ATRNL1: variants seen among roughly 807,000 people sequenced by gnomAD.
The protein encoded by ATRNL1 is attractin like 1.
A neutral mutation model predicts 182.7 loss-of-function variants in ATRNL1; 95 were observed. The ratio of observed to expected loss-of-function variants is 0.52; its 90% CI spans 0.44 to 0.62. ATRNL1 has a LOEUF of 0.62. Ranked by LOEUF, ATRNL1 falls within the 20% of genes least tolerant of loss-of-function variation. ATRNL1 has a pLI of 0.00. For missense variants in ATRNL1, 1,471 were observed against 1,679.5 expected, an observed-to-expected ratio of 0.88 and a Z score of 2.17; for synonymous variants, 576 against 568.3, an observed-to-expected ratio of 1.01 and a Z score of -0.19.
At chr10:115,623,107 A>G (rs954197278) in intron 26 of ATRNL1, among the ~76,000 whole-genome samples, 4 of 152,212 alleles carry the variant, frequency 2.6e-5, no homozygotes, top group African/African-American at 9.6e-5. Flanking sequence ...TAGGTCAAGC[A>G]TATAAAAATC....
intron 21 of ATRNL1, among the ~76,000 whole-genome samples, chr10:115,445,506 CGTGTGTGTGT>C (rs57237450): frequency 0.027 from 3,215 of 119,230 alleles, 131 homozygotes; most frequent in African/African-American, 0.091. Context: ...CTCATTTGTC[CGTGTGTGTGT>C]GTGTGTGTGT....
intron 27 of ATRNL1, among the ~76,000 whole-genome samples, chr10:115,772,333 G>A (rs148456577): frequency 3.9e-5 from 6 of 152,138 alleles, no homozygotes; most frequent in East Asian, 1.9e-4. Flanking sequence ...CAAAATTCTC[G>A]ATTACCAAGT....
At chr10:115,096,709 G>T (rs2085019920) in intron 1 of ATRNL1, 1 of 1,288,104 alleles carries the variant, frequency 7.8e-7, no homozygotes, top group South Asian at 1.2e-5. Flanking sequence ...TGATAGTTGG[G>T]GGAAGAAATG....
At chr10:115,832,641 C>T (rs1950584374) in intron 27 of ATRNL1, among the ~76,000 whole-genome samples, 1 of 152,138 alleles carries the variant, frequency 6.6e-6, no homozygotes, top group African/African-American at 2.4e-5. Flanking sequence ...GTCCAAGTCT[C>T]GACTCTTCCA....
intron 25 of ATRNL1, among the ~76,000 whole-genome samples, chr10:115,532,497 G>A (rs1851657165): frequency 6.6e-6 from 1 of 152,132 alleles, no homozygotes; most frequent in Admixed American, 6.6e-5. Flanking sequence ...CTTTGCTGAA[G>A]TTGCTTATCA....
chr10:115,170,602 T>C (rs1847249074), intron 7 of ATRNL1, among the ~76,000 whole-genome samples: 1 of 150,608 alleles, frequency 6.6e-6, no homozygotes, highest in Admixed American at 6.6e-5. Context: ...CTATGAGTAA[T>C]ATTAATCAGC....
At chr10:115,457,019 T>G (rs1475906699) in intron 21 of ATRNL1, among the ~76,000 whole-genome samples, 2 of 152,102 alleles carry the variant, frequency 1.3e-5, no homozygotes, top group Non-Finnish European at 2.9e-5. Context: ...GTTCCTACCA[T>G]CTGCAGCTTG....
chr10:115,519,372 G>A, intron 25 of ATRNL1, 48 bp downstream of exon 25: 5 of 1,440,014 alleles, frequency 3.5e-6, no homozygotes, highest in Non-Finnish European at 4.9e-6. Context: ...CCTGTATTCT[G>A]ATATATGTCC....
At chr10:115,542,117 G>T (rs547667656) in intron 25 of ATRNL1, among the ~76,000 whole-genome samples, 131 of 152,130 alleles carry the variant, frequency 8.6e-4, no homozygotes, top group Admixed American at 8.5e-3. Flanking sequence ...ACTTGTAATA[G>T]GACTTACCCA....
At chr10:115,711,808 T>A (rs1947070606) in intron 26 of ATRNL1, among the ~76,000 whole-genome samples, 1 of 152,292 alleles carries the variant, frequency 6.6e-6, no homozygotes, top group Admixed American at 6.5e-5. Context: ...TATGGCCATA[T>A]TAAATAACTC....
At chr10:115,261,089 A>C (rs1592341851) in intron 10 of ATRNL1, among the ~76,000 whole-genome samples, 1 of 152,004 alleles carries the variant, frequency 6.6e-6, no homozygotes, top group East Asian at 1.9e-4. Flanking sequence ...GAACCTAAAA[A>C]CTTATATAGA....
chr10:115,553,939 A>G (rs2133819442), intron 26 of ATRNL1, among the ~76,000 whole-genome samples: 1 of 151,608 alleles, frequency 6.6e-6, no homozygotes, highest in Non-Finnish European at 1.5e-5. Flanking sequence ...CTCCTTAGAC[A>G]CTAAATATAT....
At chr10:115,890,369 G>C (rs1237574077) in intron 28 of ATRNL1, among the ~76,000 whole-genome samples, 1 of 152,104 alleles carries the variant, frequency 6.6e-6, no homozygotes, top group African/African-American at 2.4e-5. Context: ...ATTTGACTGA[G>C]CACTTTGTAG....
rs1449552993 is a variant in ATRNL1 at position 115,582,991 on chromosome 10, A to G, written c.3795+33455A>G. The stretch of plus-strand genomic sequence containing the variant: ...CTAGCCAGTTTTCCCAGCACCATTT[A>G]TTAAATAGGGAATCCTTTCCCCATT... On this transcript the variant is annotated intron_variant, in intron 26 of 28. Coordinates refer to ENST00000355044, the MANE Select transcript of ATRNL1 (RefSeq NM_207303.4). 4.1e-5 allele frequency among the ~76,000 whole-genome samples: 6 copies of G among 145,990 alleles called. No homozygotes were observed. The Admixed American group carries it at 4.2e-4, about 10-fold the overall frequency.
chr10:115,882,387 CT>C lies in ATRNL1; in HGVS notation c.4018+34397del, dbSNP rs150670826. 3.7e-3 allele frequency among the ~76,000 whole-genome samples: 556 copies of C among 152,318 alleles called. 2 individuals carry two copies. The highest frequency in any genetic ancestry group is 5.6e-3 in the Admixed American group (86 of 15,298). On this transcript the variant is annotated intron_variant, in intron 28 of 28. Transcript: ENST00000355044. The stretch of plus-strand genomic sequence containing the variant: ...CTAAATAAGTGGCCTTAAGACGCCC[CT>C]AACCCAGGTTCTGACACCCACATTG...
At chr10:115,548,538 A>G (rs1428907900) in intron 25 of ATRNL1, among the ~76,000 whole-genome samples, 2 of 152,176 alleles carry the variant, frequency 1.3e-5, no homozygotes, top group Non-Finnish European at 2.9e-5. Context: ...CTCATAGCAT[A>G]ATCTATGACC....
intron 5 of ATRNL1, among the ~76,000 whole-genome samples, chr10:115,132,107 T>C (rs992838198): frequency 7.3e-6 from 1 of 137,286 alleles, no homozygotes; most frequent in Non-Finnish European, 1.6e-5. Context: ...CAGGCCCCAG[T>C]GTGGGATGTT....
intron 24 of ATRNL1, among the ~76,000 whole-genome samples, chr10:115,487,105 T>C (rs1174833437): frequency 6.6e-6 from 1 of 152,286 alleles, no homozygotes; most frequent in Admixed American, 6.5e-5. Context: ...TATATATCTG[T>C]TTTGGTACCA....
intron 24 of ATRNL1, among the ~76,000 whole-genome samples, chr10:115,518,799 T>C (rs1850764988): frequency 6.6e-6 from 1 of 151,962 alleles, no homozygotes; most frequent in African/African-American, 2.4e-5. Context: ...CTTTTAAAAT[T>C]AACTTCTTAT....
Sources: allele counts gnomAD v4.1 joint callset (sites outside exome capture counted in the v4.1 genomes callset), GRCh38; gene constraint gnomAD v4.1.1; transcripts MANE v1.5; gene names NCBI Gene and HGNC (gene_info 2026-07-23, HGNC 2026-07-21).